The following IPO8 variants were observed in gnomAD, a reference collection of about 807,000 sequenced individuals.
IPO8 encodes the protein importin-8.
IPO8 carries 65 observed loss-of-function variants against 141.2 expected under a neutral mutation model. The observed-to-expected ratio is 0.46, with a 90% CI of 0.38 to 0.57. The LOEUF is 0.57. Ranked by LOEUF, IPO8 falls within the 20% of genes least tolerant of loss-of-function variation. IPO8 has a pLI of 0.00. For missense variants in IPO8, 980 were observed against 1,246.8 expected (o/e 0.79, Z 3.22); for synonymous variants, 411 against 420.3 (o/e 0.98, Z 0.27).
rs137868610 is a variant in IPO8 at position 30,665,798 on chromosome 12, C to A, written c.1269G>T (p.Pro423=). ...CATCTTTCTTCCTAGGGTCAAAGTTCGGGTCTGTCAGGATTTGATAACAGA... is the reference window on the plus strand; with the variant it reads ...CATCTTTCTTCCTAGGGTCAAAGTTAGGGTCTGTCAGGATTTGATAACAGA... ...MAFCYQILTD[P]NFDPRKKDGA... is the part of the protein sequence containing the mutation. The change falls in exon 12 of 25, where the codon CCG becomes CCT. Residue 423 remains proline, a synonymous_variant. Coordinates refer to ENST00000256079, the MANE Select transcript of IPO8 (RefSeq NM_006390.4). 2.5e-6 allele frequency: 4 copies of A among 1,613,594 alleles called. No individual in the cohort carries two copies. In the African/African-American group the frequency reaches 5.3e-5, roughly 22 times the overall value.
At chr12:30,670,731 G>C (rs2053035277) in intron 9 of IPO8, among the ~76,000 whole-genome samples, 1 of 152,162 alleles carries the variant, frequency 6.6e-6, no homozygotes, top group Admixed American at 6.5e-5. Flanking sequence ...GATTAAGCAA[G>C]ATCAAGTGAA....
rs770627532 is a variant in IPO8, at chr12:30,665,788, G to A, written c.1279C>T (p.Pro427Ser). 26 of 1,613,494 alleles carry A rather than the reference G, an allele frequency of 1.6e-5. No homozygotes were observed. Among genetic ancestry groups the A allele is most frequent in the Non-Finnish European group, 2.0e-5 (24 of 1,179,784 alleles). The change falls in exon 12 of 25, where the codon CCT (proline) becomes TCT (serine). Residue 427 changes from proline to serine, a missense_variant. Around this residue, in one of 3 missense-constraint regions of IPO8, gnomAD observed 924 missense variants for 1,153.9 expected, o/e 0.80. Coordinates refer to ENST00000256079, the MANE Select transcript of IPO8 (RefSeq NM_006390.4). ...TGCAGGGCTCCATCTTTCTTCCTAG[G>A]GTCAAAGTTCGGGTCTGTCAGGATT... ...YQILTDPNFD[P>S]RKKDGALHVI...
intron 22 of IPO8, among the ~76,000 whole-genome samples, chr12:30,636,779 AG>A (rs1236589364): frequency 2.6e-5 from 4 of 152,212 alleles, no homozygotes; most frequent in Non-Finnish European, 4.4e-5. Context: ...TGAGTATATT[AG>A]GTGTCAGAAG....
Position 30,674,017 on chromosome 12 carries a change from C to A in IPO8, c.882G>T (p.Leu294Phe). ...GCTGAATGCCCACTGCATAGGTTTT[C>A]AAAAAGAATTCAGAAAATTCAAAGT... ...KEYFEFSEFF[L>F]KTYAVGIQQV... The change falls in exon 8 of 25, where the codon TTG becomes TTT. Residue 294 changes from leucine (L) to phenylalanine (F), a missense_variant. By Grantham distance (22) the Leu-to-Phe change is conservative. Transcript: ENST00000256079. 1 of 1,590,578 alleles carries A rather than the reference C, an allele frequency of 6.3e-7. No homozygotes were observed. Among genetic ancestry groups the A allele is most frequent in the Non-Finnish European group, 8.6e-7 (1 of 1,163,062 alleles).
intron 2 of IPO8, among the ~76,000 whole-genome samples, chr12:30,684,680 C>T (rs553868089): frequency 4.6e-5 from 7 of 152,294 alleles, no homozygotes; most frequent in African/African-American, 1.4e-4. Context: ...TAAGTCAAGA[C>T]CCAGAGCTTA....
chr12:30,667,636 C>T (rs1471350102), intron 10 of IPO8, among the ~76,000 whole-genome samples: 1 of 152,166 alleles, frequency 6.6e-6, no homozygotes, highest in Non-Finnish European at 1.5e-5. Context: ...TTCCAGTCTA[C>T]AGAAGGAAAC....
chr12:30,665,899 T>C (rs2052957789), intron 11 of IPO8, 54 bp from the exon 12 acceptor site: 3 of 1,154,034 alleles, frequency 2.6e-6, no homozygotes, highest in South Asian at 2.7e-5. Flanking sequence ...TGTCTTACTA[T>C]AGTATTAACT....
intron 19 of IPO8, among the ~76,000 whole-genome samples, chr12:30,651,817 C>T (rs2052730653): frequency 6.6e-6 from 1 of 152,072 alleles, no homozygotes; most frequent in South Asian, 2.1e-4. Flanking sequence ...TGTTTATGCT[C>T]AAATTACCTA....
Position 30,665,238 on chromosome 12 carries a change from C to A in IPO8, c.1410G>T (p.Leu470=). 1 of 1,577,828 alleles carries A rather than the reference C, an allele frequency of 6.3e-7. No homozygotes were observed. The highest frequency in any genetic ancestry group is 1.7e-5 in the Admixed American group (1 of 58,348). The part of the protein sequence containing the change: ...NHVFPLLLSN[L]GYLRARSCWV... ...AACTTACTCTAGCTCGAAGATATCC[C>A]AGGTTAGACAATAATAATGGAAATA... Residue 470 remains leucine, a synonymous_variant, in exon 13 of 25, where the codon CTG becomes CTT. Coordinates refer to ENST00000256079, the MANE Select transcript of IPO8 (RefSeq NM_006390.4).
Position 30,653,096 on chromosome 12 carries a change from G to A in IPO8, c.1949-4C>T. 6.2e-7 allele frequency: 1 copy of A among 1,605,158 alleles called. No homozygotes were observed. The highest frequency in any genetic ancestry group is 8.5e-7 in the Non-Finnish European group (1 of 1,177,068). On this transcript the variant is annotated splice_polypyrimidine_tract_variant and splice_region_variant and intron_variant, in intron 17 of 24. Coordinates refer to ENST00000256079, the MANE Select transcript of IPO8 (RefSeq NM_006390.4). ...GAAAGAATTTCTTCATAGAATTCTA[G>A]AAGAAAGAAAATCTCTAGTTAGAAT...
intron 16 of IPO8, among the ~76,000 whole-genome samples, chr12:30,658,874 G>T (rs1054873548): frequency 7.8e-5 from 10 of 127,880 alleles, no homozygotes; most frequent in Non-Finnish European, 1.1e-4. Flanking sequence ...AGAGTATCAA[G>T]CCTTTTTTTT....
In IPO8 at chr12:30,674,579, G is replaced by C. The variant is rs1414023000; in HGVS notation, c.824+80C>G. On this transcript the variant is annotated intron_variant, in intron 7 of 24. Transcript: ENST00000256079. ...TTAAACAGAGTGACTCTTGGCTCTC[G>C]GTGGCTCTAAAGACAGATAATCATA... The C allele has an allele frequency of 9.7e-6, 10 of 1,031,446 alleles. No individual in the cohort carries two copies. In the Admixed American group the frequency reaches 1.5e-4, roughly 16 times the overall value. 63.9% of individuals were successfully genotyped at this position (1,031,446 alleles called of 1,614,324 possible).
chr12:30,656,922 A>G (rs1258797497), intron 16 of IPO8, among the ~76,000 whole-genome samples, 172 bp from the exon 17 acceptor site: 1 of 152,178 alleles, frequency 6.6e-6, no homozygotes, highest in Non-Finnish European at 1.5e-5. Context: ...TGAAAAATAG[A>G]CTGACAGAAA....
intron 20 of IPO8, among the ~76,000 whole-genome samples, chr12:30,644,377 A>G (rs1325266112): frequency 6.6e-6 from 1 of 151,718 alleles, no homozygotes; most frequent in African/African-American, 2.4e-5. Flanking sequence ...TCCATTAAAA[A>G]AAAAAAGGTT....
intron 22 of IPO8, among the ~76,000 whole-genome samples, chr12:30,636,717 A>G (rs1291359647): frequency 6.6e-6 from 1 of 152,116 alleles, no homozygotes; most frequent in East Asian, 1.9e-4. Context: ...ATTGTTATAA[A>G]TGTGTTTCCT....
chr12:30,693,219 G>A (rs564327351), intron 1 of IPO8, among the ~76,000 whole-genome samples: 12 of 152,146 alleles, frequency 7.9e-5, no homozygotes, highest in Non-Finnish European at 1.5e-4. Flanking sequence ...TGCCTCTAAT[G>A]GGACTTCTGG....
At position 30,639,550 on chromosome 12, in the gene IPO8, T is replaced by C. The variant is rs750206949; in HGVS notation, c.2454A>G (p.Ile818Met). ...AATCTGTATCATTCATCCATTGATT[T>C]ATAAACTGTACAGTGATAGGTCCAG... ...HNPGPITVQF[I>M]NQWMNDTDCF... The change falls in exon 21 of 25, where the codon ATA becomes ATG. Residue 818 changes from isoleucine to methionine, a missense_variant. Around this residue, in one of 3 missense-constraint regions of IPO8, gnomAD observed 924 missense variants for 1,153.9 expected, o/e 0.80. Transcript: ENST00000256079. The C allele has an allele frequency of 6.2e-7, 1 of 1,613,692 alleles. No individual in the cohort carries two copies. Among genetic ancestry groups the C allele is most frequent in the African/African-American group, 1.3e-5 (1 of 75,038 alleles).
At position 30,681,793 on chromosome 12, in the gene IPO8, A is replaced by G; in HGVS notation, c.348T>C (p.Arg116=). The change falls in exon 4 of 25, where the codon CGT becomes CGC. Residue 116 remains arginine, a synonymous_variant. Coordinates refer to ENST00000256079, the MANE Select transcript of IPO8 (RefSeq NM_006390.4). The part of the protein sequence containing the change: ...LVRVQLTMCL[R]AIIKHDFPGH... ...CAGGAAAATCATGTTTTATGATGGC[A>G]CGGAGACACATTGTTAATTGGACTC... 1 of 1,613,562 alleles carries G rather than the reference A, an allele frequency of 6.2e-7. No homozygotes were observed.
At chr12:30,677,174 A>G (rs970640668) in intron 5 of IPO8, 3 of 962,046 alleles carry the variant, frequency 3.1e-6, no homozygotes, top group Admixed American at 2.1e-5. Context: ...CTCTAACTGG[A>G]AAAAATGTAT....
Sources: gnomAD v4.1 joint callset for allele counts (sites outside exome capture counted in the v4.1 genomes callset) on GRCh38, gnomAD v4.1.1 for gene constraint, gnomAD v4.1.1 regional missense constraint, MANE v1.5 for transcripts, NCBI Gene and HGNC (gene_info 2026-07-23, HGNC 2026-07-21) for gene names.